LUZP2: variants seen among roughly 807,000 people sequenced by gnomAD.
LUZP2 encodes the protein leucine zipper protein 2.
A neutral mutation model predicts 51.6 loss-of-function variants in LUZP2; 52 were observed. That is an observed-to-expected ratio of 1.01 (90% CI 0.81 to 1.27). The LOEUF is 1.27. LUZP2 is among the 50% of genes most tolerant of loss of function. The pLI is 0.00. For synonymous variants in LUZP2, 154 were observed against 137.3 expected (o/e 1.12, Z -0.85); for missense variants, 436 against 395.4 (o/e 1.10, Z -0.87).
At chr11:24,889,238 A>G (rs1852771320) in intron 5 of LUZP2, among the ~76,000 whole-genome samples, 1 of 152,174 alleles carries the variant, frequency 6.6e-6, no homozygotes, top group Non-Finnish European at 1.5e-5. Context: ...AAACTATGTG[A>G]TTATGTAACA....
intron 9 of LUZP2, among the ~76,000 whole-genome samples, chr11:25,036,842 TA>T (rs951145174): frequency 3.3e-5 from 5 of 151,950 alleles, no homozygotes; most frequent in African/African-American, 7.3e-5. Flanking sequence ...ATTTCATTTT[TA>T]AAAAAAAATT....
At chr11:24,597,607 A>T (rs763502543) in intron 1 of LUZP2, among the ~76,000 whole-genome samples, 2 of 152,334 alleles carry the variant, frequency 1.3e-5, no homozygotes, top group South Asian at 4.1e-4. Flanking sequence ...GCTAAGCATC[A>T]GACTCTAGAT....
At chr11:24,498,492 A>T (rs552349993) in intron 1 of LUZP2, among the ~76,000 whole-genome samples, 1 of 152,162 alleles carries the variant, frequency 6.6e-6, no homozygotes, top group Admixed American at 6.5e-5. Flanking sequence ...TCAATAATTG[A>T]TAAATTTAGT....
chr11:25,013,451 A>G (rs1389963622), intron 9 of LUZP2, among the ~76,000 whole-genome samples: 1 of 152,176 alleles, frequency 6.6e-6, no homozygotes, highest in Non-Finnish European at 1.5e-5. Context: ...TAATTAGTTT[A>G]AAAAGCAGGC....
intron 7 of LUZP2, among the ~76,000 whole-genome samples, chr11:24,920,704 A>AC (rs1479010230): frequency 2.6e-5 from 4 of 151,842 alleles, no homozygotes; most frequent in Non-Finnish European, 5.9e-5. Context: ...AAAAAAAAAA[A>AC]CCTGCATGTT....
intron 1 of LUZP2, among the ~76,000 whole-genome samples, chr11:24,676,905 G>T (rs1272693836): frequency 6.6e-6 from 1 of 152,086 alleles, no homozygotes; most frequent in Non-Finnish European, 1.5e-5. Flanking sequence ...GAACTCAGGT[G>T]ATCAGCCCTC....
At chr11:24,759,185 T>C (rs913150216) in intron 4 of LUZP2, among the ~76,000 whole-genome samples, 2 of 152,176 alleles carry the variant, frequency 1.3e-5, no homozygotes, top group Non-Finnish European at 2.9e-5. Flanking sequence ...TTAATTTTTA[T>C]GGCTTAACTT....
intron 5 of LUZP2, among the ~76,000 whole-genome samples, chr11:24,864,214 A>G (rs1382547311): frequency 6.6e-6 from 1 of 152,104 alleles, no homozygotes; most frequent in African/African-American, 2.4e-5. Flanking sequence ...TGATACACAC[A>G]TGTTTGAAGT....
chr11:24,941,238 G>A (rs956936122), intron 7 of LUZP2, among the ~76,000 whole-genome samples: 2 of 152,014 alleles, frequency 1.3e-5, no homozygotes, highest in East Asian at 3.9e-4. Context: ...TCATAGTTAG[G>A]TTTTACTTAT....
chr11:24,770,722 G>C (rs2134050550), intron 5 of LUZP2, among the ~76,000 whole-genome samples: 1 of 152,262 alleles, frequency 6.6e-6, no homozygotes, highest in South Asian at 2.1e-4. Context: ...GGGCAATAAA[G>C]CAGTTACTAT....
intron 8 of LUZP2, among the ~76,000 whole-genome samples, chr11:24,980,401 T>A (rs1249235849): frequency 6.6e-6 from 1 of 151,752 alleles, no homozygotes; most frequent in African/African-American, 2.4e-5. Context: ...TTATACAGTG[T>A]AAATGGTAGT....
At chr11:24,951,541 G>A (rs897742833) in intron 7 of LUZP2, among the ~76,000 whole-genome samples, 1 of 151,414 alleles carries the variant, frequency 6.6e-6, no homozygotes, top group Non-Finnish European at 1.5e-5. Context: ...AATTAACAAA[G>A]TTTATGTGAT....
chr11:24,912,526 G>T (rs1853666980), intron 6 of LUZP2, among the ~76,000 whole-genome samples: 1 of 151,904 alleles, frequency 6.6e-6, no homozygotes, highest in South Asian at 2.1e-4. Context: ...AAATATTCTG[G>T]GGCTGGGCAT....
chr11:24,842,891 TA>T lies in LUZP2; in HGVS notation c.397-63097del, dbSNP rs569019645. 1.8e-3 allele frequency among the ~76,000 whole-genome samples: 279 copies of T among 151,746 alleles called. 1 individual carries two copies. Among genetic ancestry groups the T allele is most frequent in the Middle Eastern group, 0.017 (5 of 286 alleles). ...CAAAAGTTAAGGAAGAAAAGCAAAT[TA>T]AACCTAAGCAAAGAAGTAATAGAGA... On this transcript the variant is annotated intron_variant, in intron 5 of 11. Coordinates refer to ENST00000336930, the MANE Select transcript of LUZP2 (RefSeq NM_001009909.4).
intron 9 of LUZP2, among the ~76,000 whole-genome samples, chr11:25,033,133 G>A (rs965886503): frequency 5.3e-5 from 8 of 152,276 alleles, no homozygotes; most frequent in Admixed American, 5.2e-4. Flanking sequence ...ATACCATAAG[G>A]GTGGGGAATA....
chr11:24,785,916 A>T lies in LUZP2; in HGVS notation c.396+22608A>T, dbSNP rs1590523394. 8 of 985,346 alleles carry T rather than the reference A, an allele frequency of 8.1e-6. No individual in the cohort carries two copies. The South Asian group carries it at 2.8e-4, about 35-fold the overall frequency. 61.0% of individuals were successfully genotyped at this position (985,346 alleles called of 1,614,324 possible). ...CAAATTGGCAGCAGTTATAACTAGC[A>T]GGAACTATAGATCTGACTTCCTACA... On this transcript the variant is annotated intron_variant, in intron 5 of 11. Transcript: ENST00000336930.
intron 7 of LUZP2, among the ~76,000 whole-genome samples, chr11:24,925,732 T>C (rs1000506767): frequency 6.6e-6 from 1 of 151,980 alleles, no homozygotes; most frequent in Non-Finnish European, 1.5e-5. Context: ...ATTTTAATTA[T>C]TTTTTTAATT....
At chr11:24,841,384 T>G (rs1420718070) in intron 5 of LUZP2, among the ~76,000 whole-genome samples, 1 of 152,104 alleles carries the variant, frequency 6.6e-6, no homozygotes, top group Non-Finnish European at 1.5e-5. Context: ...AATAAATGTT[T>G]GTTGCTTACG....
At chr11:24,662,085 C>A (rs1479917678) in intron 1 of LUZP2, among the ~76,000 whole-genome samples, 1 of 150,852 alleles carries the variant, frequency 6.6e-6, no homozygotes, top group Admixed American at 6.6e-5. Context: ...AAGCAGAAAA[C>A]CAACCATCAC....
Sources: gnomAD v4.1 joint callset for allele counts (sites outside exome capture counted in the v4.1 genomes callset) on GRCh38, gnomAD v4.1.1 for gene constraint, MANE v1.5 for transcripts, NCBI Gene and HGNC (gene_info 2026-07-23, HGNC 2026-07-21) for gene names.